ESPL1: variants seen among roughly 807,000 people sequenced by gnomAD.
ESPL1 encodes separin.
In ESPL1, 50 loss-of-function variants were observed where a neutral mutation model predicts 217.2. The ratio of observed to expected loss-of-function variants is 0.23; its 90% CI spans 0.18 to 0.29. The LOEUF is 0.29. Among genes scored for constraint, ESPL1 ranks in the 10% least tolerant of loss-of-function variants. The probability of loss-of-function intolerance (pLI) is 1.00; values close to 1 mark genes in which losing one functional copy is unlikely to be tolerated. For missense variants in ESPL1, 1,834 were observed against 2,603.0 expected (o/e 0.70, Z 6.43); for synonymous variants, 994 against 1,081.3 (o/e 0.92, Z 1.58).
rs758794962 is a variant in ESPL1 at position 53,286,695 on chromosome 12, G to T, written c.3959G>T (p.Arg1320Leu). The change falls in exon 18 of 31, where the codon CGC becomes CTC. Residue 1320 changes from arginine (R) to leucine (L), a missense_variant. By Grantham distance (102) the Arg-to-Leu change is moderately radical (BLOSUM62 -2). Transcript: ENST00000257934. The surrounding 1 kb of genome is among the most constrained non-coding windows in gnomAD (Gnocchi z 5.3). ...TQGQKRSGRG[R>L]QKLASAPLRL... is the part of the protein sequence containing the mutation. ...GGCCAAAAACGTTCTGGACGAGGGC[G>T]CCAAAAGTTAGCCTCTGCTCCCCTG... The T allele has an allele frequency of 1.9e-6, 3 of 1,614,078 alleles. No homozygotes were observed. Among genetic ancestry groups the T allele is most frequent in the Non-Finnish European group, 2.5e-6 (3 of 1,179,996 alleles).
At position 53,292,403 on chromosome 12, in the gene ESPL1, G is replaced by A. The variant is rs374391747; in HGVS notation, c.5912+10G>A. 1.9e-5 allele frequency: 30 copies of A among 1,589,024 alleles called. No individual in the cohort carries two copies. The highest frequency in any genetic ancestry group is 6.7e-5 in the East Asian group (3 of 44,796). On this transcript the variant is annotated intron_variant, in intron 28 of 30. Coordinates refer to ENST00000257934, the MANE Select transcript of ESPL1 (RefSeq NM_012291.5). This position sits in a 1 kb window ranked among gnomAD's most constrained non-coding sequence, Gnocchi z 4.5. ...GAGCCAATTTCAGCAGGTCAGGGGC[G>A]CGAAGACAAGAAGACGTGTGGGGAA... is the stretch of plus-strand genomic sequence containing the variant.
chr12:53,289,380 C>T, intron 21 of ESPL1, 24 bp from the exon 22 acceptor site: 6 of 1,611,302 alleles, frequency 3.7e-6, no homozygotes, highest in Non-Finnish European at 5.1e-6. Context: ...AATGGGACCT[C>T]ACCCCTCCCC....
At chr12:53,273,045 T>C (rs1943704613) in intron 6 of ESPL1, among the ~76,000 whole-genome samples, 188 bp downstream of exon 6, 1 of 150,150 alleles carries the variant, frequency 6.7e-6, no homozygotes, top group African/African-American at 2.5e-5. Context: ...TTTTTTTTTT[T>C]TTTTTTTTTG....
chr12:53,275,162 T>C, intron 7 of ESPL1, 152 bp downstream of exon 7: 2 of 604,774 alleles, frequency 3.3e-6, no homozygotes, highest in South Asian at 2.1e-5. Flanking sequence ...TAGCTGGGCA[T>C]TGGCCGTGCA....
At position 53,283,395 on chromosome 12, in the gene ESPL1, A is replaced by G. The variant is rs764196858; in HGVS notation, c.2934A>G (p.Val978=). 1 of 1,614,154 alleles carries G rather than the reference A, an allele frequency of 6.2e-7. No individual in the cohort carries two copies. Among genetic ancestry groups the G allele is most frequent in the African/African-American group, 1.3e-5 (1 of 75,054 alleles). Residue 978 remains valine, a synonymous_variant, in exon 16 of 31, where the codon GTA becomes GTG. Transcript: ENST00000257934. The stretch of plus-strand genomic sequence containing the variant: ...CTTTTGCTACAGGTGAAAATCTGGT[A>G]CAAAAATGGCAGGTTCTTTCAGAGG... ...TSFLDYGENL[V]QKWQVLSEVL...
chr12:53,270,868 T>C, intron 5 of ESPL1, 70 bp downstream of exon 5: 1 of 1,567,390 alleles, frequency 6.4e-7, no homozygotes, highest in Non-Finnish European at 8.7e-7. Context: ...TGAATAGTAC[T>C]TGCTGCGTGG....
chr12:53,273,848 T>TGG (rs1943719016), intron 6 of ESPL1, among the ~76,000 whole-genome samples: 1 of 106,758 alleles, frequency 9.4e-6, no homozygotes, highest in African/African-American at 3.6e-5. Context: ...TTTTTTTTTT[T>TGG]TTTTTTTTTT....
Position 53,288,202 on chromosome 12 carries a change from G to A in ESPL1, c.4407G>A (p.Arg1469=). The change falls in exon 19 of 31, where the codon CGG becomes CGA. Residue 1469 remains arginine, a synonymous_variant. Coordinates refer to ENST00000257934, the MANE Select transcript of ESPL1 (RefSeq NM_012291.5). ...KKVASRHCEE[R]RPQRASDQAR... is the part of the protein sequence containing the mutation. Reference sequence around the variant, plus strand: ...TGGCATCAAGACATTGTGAGGAGCGGCGTCCCCAGAGGGCCAGTGACCAGG... The same window carrying A: ...TGGCATCAAGACATTGTGAGGAGCGACGTCCCCAGAGGGCCAGTGACCAGG... 6.2e-7 allele frequency: 1 copy of A among 1,611,052 alleles called. No homozygotes were observed. Among genetic ancestry groups the A allele is most frequent in the Non-Finnish European group, 8.5e-7 (1 of 1,179,022 alleles).
chr12:53,270,266 C>T, intron 3 of ESPL1, 112 bp from the exon 4 acceptor site: 2 of 970,586 alleles, frequency 2.1e-6, no homozygotes, highest in Non-Finnish European at 3.3e-6. Flanking sequence ...TTCTGGATGT[C>T]CTTCCTCGTG....
rs1390339914 is a variant in ESPL1 at position 53,289,286 on chromosome 12, C to T, written c.4905C>T (p.His1635=). 2 of 1,611,708 alleles carry T rather than the reference C, an allele frequency of 1.2e-6. No individual in the cohort carries two copies. Among genetic ancestry groups the T allele is most frequent in the African/African-American group, 1.3e-5 (1 of 75,060 alleles). The change falls in exon 21 of 31, where the codon CAC becomes CAT. Residue 1635 remains histidine, a synonymous_variant. Transcript: ENST00000257934. ...SITCRHQLLT[H]LHRQLSKAQK... ...CCTGTCGCCACCAGCTGCTCACCCA[C>T]CTCCACAGACAGCTCAGGTGGGTGC...
At chr12:53,273,434 C>G (rs1446449227) in intron 6 of ESPL1, among the ~76,000 whole-genome samples, 1 of 151,974 alleles carries the variant, frequency 6.6e-6, no homozygotes, top group Non-Finnish European at 1.5e-5. Flanking sequence ...TAAGAAAATT[C>G]TAATGTCTGC....
intron 5 of ESPL1, 24 bp downstream of exon 5, chr12:53,270,822 C>T (rs1943656853): frequency 1.2e-6 from 2 of 1,613,302 alleles, no homozygotes; most frequent in Admixed American, 1.7e-5. Context: ...GTCCCAGGCA[C>T]AGAGTTTGTG....
chr12:53,270,443 C>G lies in ESPL1; in HGVS notation c.1209C>G (p.Leu403=), dbSNP rs780826773. ...FLQMYFQGLH[L]YTVVVYDFAQ... ...AGATGTACTTTCAGGGACTTCACCTCTACACTGTGGTGGTTTATGACTTTG... is the reference window on the plus strand; with the variant it reads ...AGATGTACTTTCAGGGACTTCACCTGTACACTGTGGTGGTTTATGACTTTG... The change falls in exon 4 of 31, where the codon CTC becomes CTG. Residue 403 remains leucine (L), a synonymous_variant. Transcript: ENST00000257934. 1.2e-5 allele frequency: 19 copies of G among 1,613,894 alleles called. No homozygotes were observed. Among genetic ancestry groups the G allele is most frequent in the Non-Finnish European group, 1.4e-5 (17 of 1,179,886 alleles).
intron 13 of ESPL1, 51 bp downstream of exon 13, chr12:53,281,677 T>G (rs1161255863): frequency 1.3e-6 from 2 of 1,569,126 alleles, no homozygotes; most frequent in South Asian, 2.3e-5. Flanking sequence ...AGAAAGAATT[T>G]AGGATTTTCT....
At position 53,288,608 on chromosome 12, in the gene ESPL1, C is replaced by T. The variant is rs1453058889; in HGVS notation, c.4617C>T (p.Ser1539=). The T allele has an allele frequency of 2.5e-6, 4 of 1,613,726 alleles. No individual in the cohort carries two copies. Among genetic ancestry groups the T allele is most frequent in the African/African-American group, 1.3e-5 (1 of 74,918 alleles). ...GGGAGCTGCTGAGGCTGGATTCCAG[C>T]AAGAAGAAGCTGCCCAGCCCATGCC... ...GEWELLRLDS[S]KKKLPSPCPD... Residue 1539 remains serine, a synonymous_variant, in exon 20 of 31, where the codon AGC becomes AGT. Coordinates refer to ENST00000257934, the MANE Select transcript of ESPL1 (RefSeq NM_012291.5).
At chr12:53,277,047 T>C (rs1401318480) in intron 8 of ESPL1, 36 bp from the exon 9 acceptor site, 4 of 1,602,886 alleles carry the variant, frequency 2.5e-6, no homozygotes, top group East Asian at 2.2e-5. Flanking sequence ...CAGATACTCA[T>C]AGTAGGCCCA....
intron 14 of ESPL1, 91 bp from the exon 15 acceptor site, chr12:53,283,038 G>A: frequency 6.5e-7 from 1 of 1,527,680 alleles, no homozygotes; most frequent in East Asian, 2.3e-5. Context: ...AATGCAGAAG[G>A]AAGCATGGGA....
At chr12:53,273,781 C>T (rs1427634484) in intron 6 of ESPL1, among the ~76,000 whole-genome samples, 2 of 150,418 alleles carry the variant, frequency 1.3e-5, no homozygotes, top group Non-Finnish European at 3.0e-5. Flanking sequence ...TTTCAAAGAT[C>T]CCCCAGGTGG....
At chr12:53,284,252 CT>C in intron 17 of ESPL1, 85 bp downstream of exon 17, 12 of 890,720 alleles carry the variant, frequency 1.3e-5, no homozygotes, top group South Asian at 2.7e-5. Flanking sequence ...GTTTCGTTGC[CT>C]TTTTTTATTT....
Sources: gnomAD v4.1 joint callset for allele counts (sites outside exome capture counted in the v4.1 genomes callset) on GRCh38, gnomAD v4.1.1 for gene constraint, Gnocchi (gnomAD v3.1) non-coding constraint, MANE v1.5 for transcripts, NCBI Gene and HGNC (gene_info 2026-07-23, HGNC 2026-07-21) for gene names.